The following TRAPPC9 variants were observed in gnomAD, a reference collection of about 807,000 sequenced individuals.
TRAPPC9 encodes the protein trafficking protein particle complex subunit 9.
In TRAPPC9, 83 loss-of-function variants were observed where a neutral mutation model predicts 124.0. That is an observed-to-expected ratio of 0.67 (90% CI 0.56 to 0.80). The LOEUF (loss-of-function observed/expected upper bound fraction) is 0.80. Among genes scored for constraint, TRAPPC9 ranks in the 30% least tolerant of loss-of-function variants. The pLI, the probability that TRAPPC9 is intolerant of heterozygous loss-of-function variation, is 0.00. For synonymous variants in TRAPPC9, 638 were observed against 617.5 expected, an observed-to-expected ratio of 1.03 and a Z score of -0.49; for missense variants, 1,302 against 1,508.3, an observed-to-expected ratio of 0.86 and a Z score of 2.27.
intron 21 of TRAPPC9, among the ~76,000 whole-genome samples, chr8:139,734,964 T>C (rs1168853810): frequency 6.6e-6 from 1 of 152,262 alleles, no homozygotes; most frequent in Non-Finnish European, 1.5e-5. Flanking sequence ...CTTCTGGATG[T>C]GCAGGGCCAC....
intron 9 of TRAPPC9, among the ~76,000 whole-genome samples, chr8:140,320,429 C>T (rs958211660): frequency 1.3e-5 from 2 of 152,188 alleles, no homozygotes; most frequent in Admixed American, 6.5e-5. Flanking sequence ...GCAGACACAG[C>T]TTCCTTCCCA....
At chr8:139,943,980 G>A (rs996624140) in intron 19 of TRAPPC9, among the ~76,000 whole-genome samples, 4 of 152,184 alleles carry the variant, frequency 2.6e-5, no homozygotes, top group South Asian at 2.1e-4. Flanking sequence ...GAATGAGGCC[G>A]AAAAACACAT....
chr8:140,435,212 A>C lies in TRAPPC9; in HGVS notation c.759T>G (p.Ser253=). Residue 253 remains serine (S), a synonymous_variant, in exon 4 of 23, where the codon TCT becomes TCG. Coordinates refer to ENST00000438773, the MANE Select transcript of TRAPPC9 (RefSeq NM_001160372.4). ...TTCCACCAGGATAGTGATAGATGAC[A>C]GAAGCTGAACACAATCCTTCCAGGG... ...GAALEGLCSA[S]VIYHYPGGTG... is the part of the protein sequence containing the mutation. 1 of 1,614,240 alleles carries C rather than the reference A, an allele frequency of 6.2e-7. No individual in the cohort carries two copies. The highest frequency in any genetic ancestry group is 1.3e-5 in the African/African-American group (1 of 75,070).
intron 17 of TRAPPC9, among the ~76,000 whole-genome samples, chr8:140,148,786 G>A (rs2061498382): frequency 1.3e-5 from 2 of 152,178 alleles, no homozygotes; most frequent in Non-Finnish European, 2.9e-5. Context: ...TTGGGGACTA[G>A]TAAGCTCATA....
At chr8:139,883,474 G>A (rs570668955) in intron 21 of TRAPPC9, among the ~76,000 whole-genome samples, 3 of 152,330 alleles carry the variant, frequency 2.0e-5, no homozygotes, top group Non-Finnish European at 2.9e-5. Context: ...CACGCCTCCC[G>A]GCAGGCACCT....
At chr8:140,287,000 GA>G (rs2065501795) in intron 13 of TRAPPC9, among the ~76,000 whole-genome samples, 2 of 152,104 alleles carry the variant, frequency 1.3e-5, no homozygotes, top group South Asian at 4.2e-4. Flanking sequence ...AAGGGCCAGA[GA>G]GGCAGTAAAA....
At chr8:140,096,370 T>C (rs1478323062) in intron 17 of TRAPPC9, 1 of 152,212 alleles carries the variant, frequency 6.6e-6, no homozygotes, top group Non-Finnish European at 1.5e-5. Context: ...TTCACTTAGA[T>C]GTTAACAGGA....
At chr8:139,988,133 G>A (rs1837368330) in intron 19 of TRAPPC9, among the ~76,000 whole-genome samples, 1 of 145,472 alleles carries the variant, frequency 6.9e-6, no homozygotes, top group African/African-American at 2.6e-5. Context: ...TTTTGAGGCG[G>A]AGTCTCGCTC....
At chr8:139,850,170 A>G (rs774728600) in intron 21 of TRAPPC9, among the ~76,000 whole-genome samples, 1 of 152,184 alleles carries the variant, frequency 6.6e-6, no homozygotes, top group Non-Finnish European at 1.5e-5. Context: ...CATATGACAA[A>G]TGGGTATGAG....
intron 17 of TRAPPC9, among the ~76,000 whole-genome samples, chr8:140,116,670 G>C (rs1389606307): frequency 6.6e-6 from 1 of 152,186 alleles, no homozygotes; most frequent in East Asian, 1.9e-4. Flanking sequence ...GCTTGCTGTG[G>C]TTTTGAGAAG....
intron 17 of TRAPPC9, among the ~76,000 whole-genome samples, chr8:140,055,803 T>G (rs926536815): frequency 6.6e-6 from 1 of 151,992 alleles, no homozygotes; most frequent in Non-Finnish European, 1.5e-5. Context: ...ACCAAGGAGG[T>G]GAAAGACTTG....
intron 19 of TRAPPC9, among the ~76,000 whole-genome samples, chr8:139,969,332 G>C (rs1835911240): frequency 6.6e-6 from 1 of 152,226 alleles, no homozygotes; most frequent in Admixed American, 6.5e-5. Context: ...CTAGACTGGG[G>C]TCTCAAAGCC....
intron 1 of TRAPPC9, among the ~76,000 whole-genome samples, chr8:140,457,167 C>A (rs539042498): frequency 6.6e-6 from 1 of 152,316 alleles, no homozygotes; most frequent in Non-Finnish European, 1.5e-5. Flanking sequence ...CTGTGCTGGG[C>A]CCCAGGCCCC....
At chr8:140,300,716 C>G in intron 10 of TRAPPC9, 102 bp from the exon 11 acceptor site, 1 of 1,453,052 alleles carries the variant, frequency 6.9e-7, no homozygotes, top group Non-Finnish European at 9.6e-7. Flanking sequence ...GTAAATCAGT[C>G]AGAAGGAAGA....
At chr8:140,310,163 T>C (rs180994374) in intron 10 of TRAPPC9, among the ~76,000 whole-genome samples, 8 of 152,326 alleles carry the variant, frequency 5.3e-5, no homozygotes, top group South Asian at 2.1e-4. Flanking sequence ...TGTTACTTCA[T>C]TGAATTCTCA....
chr8:140,413,295 A>G (rs1295405383), intron 5 of TRAPPC9, among the ~76,000 whole-genome samples: 1 of 152,160 alleles, frequency 6.6e-6, no homozygotes, highest in Non-Finnish European at 1.5e-5. Flanking sequence ...AGGCTGAGGC[A>G]AGAGAATCGC....
intron 21 of TRAPPC9, among the ~76,000 whole-genome samples, chr8:139,770,522 G>A (rs892366380): frequency 5.3e-5 from 8 of 152,226 alleles, no homozygotes; most frequent in Non-Finnish European, 1.0e-4. Context: ...GGTCCCCACG[G>A]GGCCCCATCA....
chr8:139,732,615 G>A (rs1044936340), intron 21 of TRAPPC9, among the ~76,000 whole-genome samples: 16 of 152,232 alleles, frequency 1.1e-4, no homozygotes, highest in African/African-American at 4.8e-5. Flanking sequence ...GAGCTTTGGG[G>A]CACAGGCAGG....
At chr8:140,128,384 C>T (rs1231022203) in intron 17 of TRAPPC9, among the ~76,000 whole-genome samples, 2 of 152,328 alleles carry the variant, frequency 1.3e-5, no homozygotes, top group African/African-American at 4.8e-5. Flanking sequence ...CACAGAGAGA[C>T]CACAGTGGGT....
Sources: gnomAD v4.1 joint callset for allele counts (sites outside exome capture counted in the v4.1 genomes callset) on GRCh38, gnomAD v4.1.1 for gene constraint, MANE v1.5 for transcripts, NCBI Gene and HGNC (gene_info 2026-07-23, HGNC 2026-07-21) for gene names.